XIRP2: variants seen among roughly 807,000 people sequenced by gnomAD.
XIRP2 encodes the protein xin actin binding repeat containing 2, also known as xin actin-binding repeat-containing protein 2.
XIRP2 carries 236 observed loss-of-function variants against 277.0 expected under a neutral mutation model. The observed-to-expected ratio is 0.85, with a 90% CI of 0.77 to 0.95. The LOEUF is 0.95. XIRP2 is among the 40% of genes least tolerant of loss of function. The pLI, the probability that XIRP2 is intolerant of heterozygous loss-of-function variation, is 0.00. For missense variants in XIRP2, 4,640 were observed against 4,157.5 expected, an observed-to-expected ratio of 1.12 and a Z score of -3.19; for synonymous variants, 1,490 against 1,416.5, an observed-to-expected ratio of 1.05 and a Z score of -1.17.
intron 2 of XIRP2, among the ~76,000 whole-genome samples, chr2:166,918,002 A>G (rs983775531): frequency 6.6e-6 from 1 of 152,158 alleles, no homozygotes; most frequent in Non-Finnish European, 1.5e-5. Flanking sequence ...GCCTTCCTAC[A>G]TGAGCTTATC....
chr2:167,075,808 A>AT (rs5836132), intron 2 of XIRP2, among the ~76,000 whole-genome samples: 2,715 of 141,216 alleles, frequency 0.019, 62 homozygotes, highest in East Asian at 0.057. Context: ...TGCCCAGCTA[A>AT]TTTTTTTTTT....
intron 2 of XIRP2, among the ~76,000 whole-genome samples, chr2:166,969,673 G>C (rs780320950): frequency 6.6e-6 from 1 of 151,328 alleles, no homozygotes; most frequent in Non-Finnish European, 1.5e-5. Flanking sequence ...TTGCTTTTTA[G>C]AGGATCTATT....
chr2:166,934,683 C>T (rs1431252526), intron 2 of XIRP2, among the ~76,000 whole-genome samples: 1 of 152,178 alleles, frequency 6.6e-6, no homozygotes, highest in South Asian at 2.1e-4. Context: ...CTAGCTTTGC[C>T]ACCTATGGAC....
rs74959235 is a variant in XIRP2 at position 167,172,029 on chromosome 2, T to C, written c.562+35967T>C. ...AGTAATCACATCATGGAAAATTATG[T>C]ATGATCAGGGGAACCCGCCCCCGAT... On this transcript the variant is annotated intron_variant, in intron 3 of 10. Transcript: ENST00000409195. 2.2e-3 allele frequency among the ~76,000 whole-genome samples: 336 copies of C among 152,310 alleles called. 1 individual carries two copies. Among genetic ancestry groups the C allele is most frequent in the African/African-American group, 7.8e-3 (326 of 41,564 alleles).
At position 167,095,796 on chromosome 2, in the gene XIRP2, G is replaced by A. The variant is rs535121714; in HGVS notation, c.409-40113G>A. Among the ~76,000 whole-genome samples, 23 of 141,730 alleles carry A rather than the reference G, an allele frequency of 1.6e-4. No homozygotes were observed. The South Asian group carries it at 4.9e-3, about 30-fold the overall frequency. 93.0% of individuals were successfully genotyped at this position (141,730 alleles called of 152,430 possible). ...TTCCTTTTTTGTTGTGTCTCTGCTAGGTTTTTCTTTCAGGATGATGCTGGC... is the reference window on the plus strand; with the variant it reads ...TTCCTTTTTTGTTGTGTCTCTGCTAAGTTTTTCTTTCAGGATGATGCTGGC... On this transcript the variant is annotated intron_variant, in intron 2 of 10. Coordinates refer to ENST00000409195, the MANE Select transcript of XIRP2 (RefSeq NM_152381.6).
chr2:167,259,564 T>C lies in XIRP2; in HGVS notation c.*1747T>C. On this transcript the variant is annotated 3_prime_UTR_variant, in exon 11 of 11. Coordinates refer to ENST00000409195, the MANE Select transcript of XIRP2 (RefSeq NM_152381.6). The stretch of plus-strand genomic sequence containing the variant: ...CAATTTATTTACATCTACTTTTGTT[T>C]GAACTGGAATGAAGAGATGAAACAC... 1.9e-6 allele frequency: 1 copy of C among 514,060 alleles called. No individual in the cohort carries two copies. The highest frequency in any genetic ancestry group is 3.4e-6 in the Non-Finnish European group (1 of 293,782). 31.8% of individuals were successfully genotyped at this position (514,060 alleles called of 1,614,324 possible). A position where few individuals can be genotyped will look rare whatever the true frequency, so the allele number is the denominator to read the frequency against.
Position 167,249,458 on chromosome 2 carries a change from A to C in XIRP2, c.8066A>C (p.Gln2689Pro), listed in dbSNP as rs1033218812. Residue 2689 changes from glutamine to proline, a missense_variant, in exon 9 of 11, where the codon CAG becomes CCG. By Grantham distance (76) the Gln-to-Pro change is moderately conservative. Coordinates refer to ENST00000409195, the MANE Select transcript of XIRP2 (RefSeq NM_152381.6). ...GAATGTAGTACCCAACAAACACAAC[A>C]GAAGAAGTATTTGGAGCAGTTGCAC... The part of the protein sequence containing the change: ...HQECSTQQTQ[Q>P]KKYLEQLHLP... The C allele has an allele frequency of 2.5e-6, 4 of 1,613,722 alleles. No homozygotes were observed. The highest frequency in any genetic ancestry group is 2.7e-5 in the African/African-American group (2 of 74,894).
chr2:167,194,817 T>C (rs910769382), intron 3 of XIRP2, among the ~76,000 whole-genome samples: 1 of 152,194 alleles, frequency 6.6e-6, no homozygotes, highest in African/African-American at 2.4e-5. Context: ...CATAGTCTTA[T>C]TTCAAAGATT....
chr2:167,100,625 G>A (rs189098466), intron 2 of XIRP2, among the ~76,000 whole-genome samples: 82 of 152,298 alleles, frequency 5.4e-4, no homozygotes, highest in African/African-American at 1.9e-3. Context: ...CTGGGACTAA[G>A]CATATGTTGC....
intron 2 of XIRP2, among the ~76,000 whole-genome samples, chr2:166,940,157 T>G (rs1387511539): frequency 2.6e-5 from 4 of 152,222 alleles, no homozygotes; most frequent in Non-Finnish European, 4.4e-5. Context: ...TTTTATTCTT[T>G]TTTCTCTAAA....
intron 2 of XIRP2, among the ~76,000 whole-genome samples, chr2:167,124,810 AGAG>A (rs754589644): frequency 1.3e-5 from 2 of 152,178 alleles, no homozygotes; most frequent in Non-Finnish European, 2.9e-5. Flanking sequence ...CGGGGCATTC[AGAG>A]GAGGTTTCTT....
Position 166,898,641 on chromosome 2 carries a change from G to A in XIRP2, c.-18-4824G>A, listed in dbSNP as rs1021976652. On this transcript the variant is annotated intron_variant, in intron 1 of 10. Transcript: ENST00000409195. ...TAAAAATCAGGAAATTGAAATCGACGCCATATACACTAATAGTACTGTGCC... is the reference window on the plus strand; with the variant it reads ...TAAAAATCAGGAAATTGAAATCGACACCATATACACTAATAGTACTGTGCC... 3.3e-5 allele frequency among the ~76,000 whole-genome samples: 5 copies of A among 151,868 alleles called. No homozygotes were observed. The East Asian group carries it at 7.8e-4, about 24-fold the overall frequency.
intron 2 of XIRP2, among the ~76,000 whole-genome samples, chr2:167,126,990 G>T (rs58530903): frequency 0.11 from 16,718 of 152,072 alleles, 1,969 homozygotes; most frequent in African/African-American, 0.29. Flanking sequence ...AAATTTTTTA[G>T]GATAGGAATT....
chr2:167,108,235 C>G (rs1366002756), intron 2 of XIRP2, among the ~76,000 whole-genome samples: 2 of 151,854 alleles, frequency 1.3e-5, no homozygotes, highest in East Asian at 3.9e-4. Context: ...TGTGTCATCT[C>G]TCTTTTTTCT....
chr2:167,257,726 A>G lies in XIRP2; in HGVS notation c.*40-131A>G, dbSNP rs879163096. Reference sequence around the variant, plus strand: ...TAATATTATCTAACAGAAATGTTCAACTAATAGGGCCATTCCCATTGCTAG... The same window carrying G: ...TAATATTATCTAACAGAAATGTTCAGCTAATAGGGCCATTCCCATTGCTAG... On this transcript the variant is annotated intron_variant, in intron 10 of 10. Transcript: ENST00000409195. 5 of 822,566 alleles carry G rather than the reference A, an allele frequency of 6.1e-6. No individual in the cohort carries two copies. The Admixed American group carries it at 9.1e-5, about 15-fold the overall frequency. 51.0% of individuals were successfully genotyped at this position (822,566 alleles called of 1,614,324 possible).
chr2:166,982,158 A>G (rs1335414696), intron 2 of XIRP2, among the ~76,000 whole-genome samples: 1 of 151,974 alleles, frequency 6.6e-6, no homozygotes, highest in Non-Finnish European at 1.5e-5. Context: ...GATATTTTAA[A>G]GGTTCTTTTT....
At chr2:167,134,513 A>G (rs1046556065) in intron 2 of XIRP2, among the ~76,000 whole-genome samples, 2 of 152,088 alleles carry the variant, frequency 1.3e-5, no homozygotes, top group Admixed American at 6.6e-5. Context: ...TGTACTTAAG[A>G]GGTAACAAAA....
intron 2 of XIRP2, among the ~76,000 whole-genome samples, chr2:167,096,161 G>A (rs1690311960): frequency 6.6e-6 from 1 of 151,894 alleles, no homozygotes; most frequent in Non-Finnish European, 1.5e-5. Context: ...TAATTTCGCT[G>A]TGAATCTATC....
At chr2:167,134,580 T>G (rs973543412) in intron 2 of XIRP2, among the ~76,000 whole-genome samples, 2 of 152,154 alleles carry the variant, frequency 1.3e-5, no homozygotes, top group African/African-American at 2.4e-5. Context: ...AATACAATAG[T>G]GCCTTCTTAT....
Sources: gnomAD v4.1 joint callset for allele counts (sites outside exome capture counted in the v4.1 genomes callset) on GRCh38, gnomAD v4.1.1 for gene constraint, MANE v1.5 for transcripts, NCBI Gene and HGNC (gene_info 2026-07-23, HGNC 2026-07-21) for gene names.